TBC1D30: variants seen among roughly 807,000 people sequenced by gnomAD.
TBC1D30 encodes TBC1 domain family member 30.
A neutral mutation model predicts 63.2 loss-of-function variants in TBC1D30; 31 were observed. The ratio of observed to expected loss-of-function variants is 0.49; its 90% CI spans 0.37 to 0.66. The LOEUF is 0.66. Among genes scored for constraint, TBC1D30 ranks in the 30% least tolerant of loss-of-function variants. TBC1D30 has a pLI of 0.00. For synonymous variants in TBC1D30, 307 were observed against 361.5 expected (o/e 0.85, Z 1.71); for missense variants, 810 against 953.6 (o/e 0.85, Z 1.98).
chr12:64,777,106 C>T (rs1199454402), upstream of TBC1D30, among the ~76,000 whole-genome samples: 1 of 152,014 alleles, frequency 6.6e-6, no homozygotes, highest in Non-Finnish European at 1.5e-5. Flanking sequence ...AGTAACATAC[C>T]TCAAAAAAGT....
At chr12:64,869,720 G>T (rs1460147204) in intron 10 of TBC1D30, among the ~76,000 whole-genome samples, 1 of 151,616 alleles carries the variant, frequency 6.6e-6, no homozygotes, top group Non-Finnish European at 1.5e-5. Flanking sequence ...TGTTGATTTT[G>T]CTCTGATTAG....
intron 8 of TBC1D30, among the ~76,000 whole-genome samples, chr12:64,848,022 C>G (rs142775523): frequency 0.061 from 9,149 of 151,138 alleles, 965 homozygotes; most frequent in African/African-American, 0.21. Flanking sequence ...CTATCTCTCT[C>G]TTTAGCTCTA....
chr12:64,875,141 G>C lies in TBC1D30; in HGVS notation c.1639G>C (p.Gly547Arg). 3 of 1,536,416 alleles carry C rather than the reference G, an allele frequency of 2.0e-6. No individual in the cohort carries two copies. Among genetic ancestry groups the C allele is most frequent in the Non-Finnish European group, 2.6e-6 (3 of 1,146,936 alleles). ...AVIHIPGHTG[G>R]KISPVPYEDL... ...CATCCACATCCCTGGTCACACAGGAGGGAAAATATCTCCTGTCCCCTACGA... is the reference window on the plus strand; with the variant it reads ...CATCCACATCCCTGGTCACACAGGACGGAAAATATCTCCTGTCCCCTACGA... The change falls in exon 12 of 12, where the codon GGG (glycine) becomes CGG (arginine). Residue 547 changes from glycine to arginine, a missense_variant. By Grantham distance (125) the Gly-to-Arg change is moderately radical. This residue lies in a region of TBC1D30 where 450 missense variants were observed against 473.0 expected (regional missense o/e 0.95). Coordinates refer to ENST00000539867, the MANE Select transcript of TBC1D30 (RefSeq NM_015279.2).
chr12:64,816,434 T>A (rs1873541901), intron 2 of TBC1D30, among the ~76,000 whole-genome samples: 2 of 152,250 alleles, frequency 1.3e-5, no homozygotes, highest in Admixed American at 6.5e-5. Flanking sequence ...AATTTCAGTT[T>A]ATCTGAAAAC....
At chr12:64,869,498 A>C (rs1358447472) in intron 10 of TBC1D30, among the ~76,000 whole-genome samples, 2 of 152,178 alleles carry the variant, frequency 1.3e-5, no homozygotes, top group Non-Finnish European at 2.9e-5. Flanking sequence ...TGATTTCTGC[A>C]ATGCCTTCTA....
intron 5 of TBC1D30, among the ~76,000 whole-genome samples, 196 bp from the exon 6 acceptor site, chr12:64,836,294 G>C (rs1398987680): frequency 6.6e-6 from 1 of 152,212 alleles, no homozygotes; most frequent in Admixed American, 6.5e-5. Context: ...GAGTTACTTA[G>C]ATGATTATGC....
intron 8 of TBC1D30, among the ~76,000 whole-genome samples, chr12:64,860,421 T>C (rs1019987836): frequency 3.3e-5 from 5 of 152,154 alleles, no homozygotes; most frequent in African/African-American, 1.2e-4. Context: ...CCCAAAGTGT[T>C]GGGATTACAG....
intron 10 of TBC1D30, among the ~76,000 whole-genome samples, chr12:64,867,487 G>C (rs1333004244): frequency 6.6e-6 from 1 of 151,630 alleles, no homozygotes; most frequent in Non-Finnish European, 1.5e-5. Context: ...GTTACTAAAA[G>C]TATCTTCTCT....
At chr12:64,842,183 C>A (rs1875937633) in intron 7 of TBC1D30, among the ~76,000 whole-genome samples, 1 of 152,002 alleles carries the variant, frequency 6.6e-6, no homozygotes, top group Non-Finnish European at 1.5e-5. Context: ...CATGGTGAAG[C>A]CCCATCTCTA....
At chr12:64,853,165 C>T (rs1877018224) in intron 8 of TBC1D30, among the ~76,000 whole-genome samples, 1 of 152,214 alleles carries the variant, frequency 6.6e-6, no homozygotes, top group Admixed American at 6.5e-5. Context: ...GGGCTGCTGC[C>T]TTTCTTTCAG....
chr12:64,791,375 T>C (rs1043926955), intron 2 of TBC1D30, among the ~76,000 whole-genome samples: 8 of 152,190 alleles, frequency 5.3e-5, no homozygotes, highest in Non-Finnish European at 1.0e-4. Context: ...ATGTGAATTA[T>C]ATAAAATATG....
chr12:64,839,295 G>T (rs1237242577), intron 7 of TBC1D30, among the ~76,000 whole-genome samples: 1 of 152,194 alleles, frequency 6.6e-6, no homozygotes, highest in Non-Finnish European at 1.5e-5. Context: ...TATCTAGCCT[G>T]GTAGAACACA....
In TBC1D30 at chr12:64,875,223, A is replaced by G. The variant is rs1592669562; in HGVS notation, c.1721A>G (p.Lys574Arg). 6.5e-7 allele frequency: 1 copy of G among 1,536,364 alleles called. No homozygotes were observed. Among genetic ancestry groups the G allele is most frequent in the African/African-American group, 1.4e-5 (1 of 73,164 alleles). ...CGAACTCACATCCGAGTCCACAAAA[A>G]GAACATGCCAAGGACCAAGAGTCAT... ...PWRTHIRVHK[K>R]NMPRTKSHPG... Residue 574 changes from lysine (K) to arginine (R), a missense_variant, in exon 12 of 12, where the codon AAG (lysine) becomes AGG (arginine). Lys to Arg is a conservative substitution (Grantham distance 26, BLOSUM62 2). Around this residue, in one of 4 missense-constraint regions of TBC1D30, gnomAD observed 450 missense variants for 473.0 expected, o/e 0.95. Transcript: ENST00000539867.
intron 2 of TBC1D30, among the ~76,000 whole-genome samples, chr12:64,814,882 A>C (rs1298078606): frequency 6.6e-6 from 1 of 152,222 alleles, no homozygotes; most frequent in Non-Finnish European, 1.5e-5. Context: ...GCCCACTATT[A>C]CTGGTGGATT....
chr12:64,834,822 T>G (rs1027374778), intron 5 of TBC1D30, among the ~76,000 whole-genome samples: 2 of 150,124 alleles, frequency 1.3e-5, no homozygotes, highest in African/African-American at 4.9e-5. Flanking sequence ...TGCCTTCAGA[T>G]AGAGAATTTC....
In TBC1D30 at chr12:64,877,288, G is replaced by A. The variant is rs190355201; in HGVS notation, c.*1500G>A. On this transcript the variant is annotated 3_prime_UTR_variant, in exon 12 of 12. Transcript: ENST00000539867. ...GCCTTCATGTTTGTCTCTGGAAGAC[G>A]ATTGGCGATACTTGCAGGAATATTG... is the stretch of plus-strand genomic sequence containing the variant. 33 of 159,346 alleles carry A rather than the reference G, an allele frequency of 2.1e-4. No homozygotes were observed. The East Asian group carries it at 5.3e-3, about 25-fold the overall frequency. 9.9% of individuals were successfully genotyped at this position (159,346 alleles called of 1,614,324 possible).
chr12:64,784,168 AT>A (rs1871433370), intron 1 of TBC1D30, among the ~76,000 whole-genome samples: 1 of 151,948 alleles, frequency 6.6e-6, no homozygotes, highest in South Asian at 2.1e-4. Context: ...GTAATTCCTT[AT>A]TTTTACTTAA....
chr12:64,820,101 G>C (rs1462910022), upstream of TBC1D30, among the ~76,000 whole-genome samples: 1 of 152,080 alleles, frequency 6.6e-6, no homozygotes, highest in Non-Finnish European at 1.5e-5. Flanking sequence ...TTTTCTCTTG[G>C]TAATTGTCAG....
intron 1 of TBC1D30, among the ~76,000 whole-genome samples, chr12:64,762,092 G>A (rs537371937): frequency 6.6e-5 from 10 of 152,218 alleles, no homozygotes; most frequent in Non-Finnish European, 1.3e-4. Flanking sequence ...GGTGCCCTGA[G>A]GAAGTGATCT....
Sources: allele counts gnomAD v4.1 joint callset (sites outside exome capture counted in the v4.1 genomes callset), GRCh38; gene constraint gnomAD v4.1.1; regional missense constraint gnomAD v4.1.1; transcripts MANE v1.5; gene names NCBI Gene and HGNC (gene_info 2026-07-23, HGNC 2026-07-21).